Variants in SPAG16 observed in about 807,000 individuals in gnomAD.
SPAG16 encodes the protein sperm associated antigen 16, also known as sperm-associated antigen 16 protein.
SPAG16 carries 86 observed loss-of-function variants against 80.4 expected under a neutral mutation model. The observed-to-expected ratio is 1.07, with a 90% CI of 0.90 to 1.28. The LOEUF (loss-of-function observed/expected upper bound fraction) is 1.28. Among genes scored for constraint, SPAG16 ranks in the 50% most tolerant of loss-of-function variants. The pLI, the probability that SPAG16 is intolerant of heterozygous loss-of-function variation, is 0.00. For missense variants in SPAG16, 870 were observed against 765.3 expected, an observed-to-expected ratio of 1.14 and a Z score of -1.61; for synonymous variants, 294 against 265.9, an observed-to-expected ratio of 1.11 and a Z score of -1.03.
At chr2:214,197,823 A>G (rs1277390203) in intron 15 of SPAG16, among the ~76,000 whole-genome samples, 4 of 151,798 alleles carry the variant, frequency 2.6e-5, no homozygotes, top group African/African-American at 9.7e-5. Context: ...GAATTAACCT[A>G]TTAATAAAGT....
Position 214,277,225 on chromosome 2 carries a change from G to A in SPAG16, c.1720+127959G>A, listed in dbSNP as rs150858992. ...CAAGGTTTTTAGCTTCCTTGTGATGGGTTCAAACATCCTCCTTTAGCTCCT... is the reference window on the plus strand; with the variant it reads ...CAAGGTTTTTAGCTTCCTTGTGATGAGTTCAAACATCCTCCTTTAGCTCCT... On this transcript the variant is annotated intron_variant, in intron 15 of 15. Transcript: ENST00000331683. Among the ~76,000 whole-genome samples, 625 of 152,010 alleles carry A rather than the reference G, an allele frequency of 4.1e-3. 2 individuals carry two copies. Among genetic ancestry groups the A allele is most frequent in the Non-Finnish European group, 6.0e-3 (410 of 67,976 alleles).
intron 15 of SPAG16, among the ~76,000 whole-genome samples, chr2:214,290,824 C>T (rs913778472): frequency 1.3e-5 from 2 of 152,108 alleles, no homozygotes; most frequent in East Asian, 3.8e-4. Context: ...AAGAATGTTC[C>T]ATTTGCTGAT....
chr2:213,519,764 T>C (rs1185590373), intron 10 of SPAG16, among the ~76,000 whole-genome samples: 1 of 148,142 alleles, frequency 6.8e-6, no homozygotes, highest in South Asian at 2.1e-4. Flanking sequence ...GTAGCAATCA[T>C]ACAAAAAAAA....
chr2:213,752,627 A>G (rs2125492439), intron 10 of SPAG16, among the ~76,000 whole-genome samples: 1 of 152,236 alleles, frequency 6.6e-6, no homozygotes, highest in Non-Finnish European at 1.5e-5. Flanking sequence ...TTTTACTGAC[A>G]TTCCTCTGTT....
chr2:213,801,676 A>G (rs2071414837), intron 10 of SPAG16, among the ~76,000 whole-genome samples: 1 of 152,212 alleles, frequency 6.6e-6, no homozygotes, highest in South Asian at 2.1e-4. Context: ...ATGAAGCACA[A>G]TGGTAGGAAC....
chr2:213,579,292 G>A (rs1300831170), intron 10 of SPAG16, among the ~76,000 whole-genome samples: 3 of 152,116 alleles, frequency 2.0e-5, no homozygotes, highest in South Asian at 2.1e-4. Flanking sequence ...ATTCCAAAGG[G>A]TGATGGCAGC....
At chr2:214,311,834 C>T (rs1381463601) in intron 15 of SPAG16, 1 of 152,090 alleles carries the variant, frequency 6.6e-6, no homozygotes, top group Admixed American at 6.6e-5. Context: ...ATGTGATTTC[C>T]TCCAGGAAAT....
At chr2:213,341,426 G>A (rs959665248) in intron 6 of SPAG16, among the ~76,000 whole-genome samples, 2 of 152,094 alleles carry the variant, frequency 1.3e-5, no homozygotes, top group Admixed American at 6.6e-5. Flanking sequence ...TACATTAATA[G>A]TGTATCCATA....
At chr2:214,042,837 G>T (rs1264019145) in intron 13 of SPAG16, among the ~76,000 whole-genome samples, 1 of 152,024 alleles carries the variant, frequency 6.6e-6, no homozygotes, top group Non-Finnish European at 1.5e-5. Flanking sequence ...TTCCACCTTT[G>T]TTAGAGGGAA....
chr2:214,081,487 G>C (rs1165951938), intron 13 of SPAG16, among the ~76,000 whole-genome samples: 1 of 152,130 alleles, frequency 6.6e-6, no homozygotes, highest in East Asian at 1.9e-4. Flanking sequence ...AAGGGACAGG[G>C]ACAGAGAGAG....
At chr2:213,875,180 C>A (rs1171748747) in intron 11 of SPAG16, among the ~76,000 whole-genome samples, 1 of 151,806 alleles carries the variant, frequency 6.6e-6, no homozygotes, top group Non-Finnish European at 1.5e-5. Flanking sequence ...CTCATGGGAT[C>A]CTCCCACTTT....
intron 10 of SPAG16, among the ~76,000 whole-genome samples, chr2:213,677,815 A>AT (rs1450417894): frequency 1.3e-5 from 2 of 152,218 alleles, no homozygotes; most frequent in Middle Eastern, 3.4e-3. Flanking sequence ...CAGAATATAC[A>AT]TTTTTTTCAG....
chr2:213,324,388 T>C (rs773561420), intron 5 of SPAG16, among the ~76,000 whole-genome samples: 1 of 152,174 alleles, frequency 6.6e-6, no homozygotes, highest in African/African-American at 2.4e-5. Flanking sequence ...AGGTAGAACA[T>C]TTTTATCTAT....
chr2:213,993,818 G>T (rs1424380916), intron 12 of SPAG16, among the ~76,000 whole-genome samples: 1 of 152,078 alleles, frequency 6.6e-6, no homozygotes, highest in African/African-American at 2.4e-5. Context: ...AAATAAAACA[G>T]AGGTCTTAAA....
chr2:214,392,348 G>A (rs1701132892), intron 15 of SPAG16, among the ~76,000 whole-genome samples: 1 of 151,944 alleles, frequency 6.6e-6, no homozygotes, highest in Admixed American at 6.6e-5. Flanking sequence ...TAGAGACTGA[G>A]TCTCACCATG....
At chr2:213,890,837 A>T (rs13407282) in intron 11 of SPAG16, among the ~76,000 whole-genome samples, 2 of 151,532 alleles carry the variant, frequency 1.3e-5, no homozygotes, top group Admixed American at 1.3e-4. Flanking sequence ...TTAAATTTTG[A>T]TGTGTTAAAG....
At chr2:214,261,397 G>A (rs1194987784) in intron 15 of SPAG16, among the ~76,000 whole-genome samples, 1 of 152,080 alleles carries the variant, frequency 6.6e-6, no homozygotes, top group Non-Finnish European at 1.5e-5. Context: ...TGGCGGCTAA[G>A]AAAGCTCTGC....
intron 5 of SPAG16, among the ~76,000 whole-genome samples, chr2:213,328,065 T>C (rs1171654742): frequency 6.6e-6 from 1 of 152,124 alleles, no homozygotes; most frequent in Non-Finnish European, 1.5e-5. Context: ...AATGAAGAAT[T>C]TCCTATATTG....
intron 10 of SPAG16, among the ~76,000 whole-genome samples, chr2:213,770,927 C>T (rs371911021): frequency 2.2e-4 from 34 of 152,174 alleles, no homozygotes; most frequent in Non-Finnish European, 4.4e-4. Context: ...TGAACACATG[C>T]GTGCAAGTGT....
Sources: gnomAD v4.1 joint callset for allele counts (sites outside exome capture counted in the v4.1 genomes callset) on GRCh38, gnomAD v4.1.1 for gene constraint, MANE v1.5 for transcripts, NCBI Gene and HGNC (gene_info 2026-07-23, HGNC 2026-07-21) for gene names.